Variants in PLCD4 observed in about 807,000 individuals in gnomAD.
PLCD4 encodes the protein phospholipase C delta 4.
PLCD4 carries 63 observed loss-of-function variants against 90.2 expected under a neutral mutation model. The observed-to-expected ratio is 0.70, with a 90% CI of 0.57 to 0.86. The LOEUF is 0.86. Ranked by LOEUF, PLCD4 falls within the 40% of genes least tolerant of loss-of-function variation. PLCD4 has a pLI of 0.00. For missense variants in PLCD4, 830 were observed against 956.3 expected (o/e 0.87, Z 1.74); for synonymous variants, 294 against 356.5 (o/e 0.82, Z 1.97).
rs375491681 is a variant in PLCD4 at position 218,635,805 on chromosome 2, G to A, written c.1906G>A (p.Gly636Ser). The A allele has an allele frequency of 1.2e-4, 187 of 1,612,354 alleles. No individual in the cohort carries two copies. The highest frequency in any genetic ancestry group is 1.5e-4 in the African/African-American group (11 of 74,968). ...AQTLLIQVISGQQLPKVDKTK... is the reference protein window; with the variant it reads ...AQTLLIQVISSQQLPKVDKTK... ...AGAGCCCTGACTACAGGTGATCAGC[G>A]GTCAGCAACTCCCCAAAGTGGACAA... is the stretch of plus-strand genomic sequence containing the variant. The change falls in exon 14 of 16, where the codon GGT (glycine) becomes AGT (serine). Residue 636 changes from glycine (G) to serine (S), a missense_variant. By Grantham distance (56) the Gly-to-Ser change is moderately conservative (BLOSUM62 0). Transcript: ENST00000450993.
intron 10 of PLCD4, among the ~76,000 whole-genome samples, chr2:218,632,558 C>T (rs1418347000): frequency 6.6e-6 from 1 of 152,036 alleles, no homozygotes; most frequent in African/African-American, 2.4e-5. Flanking sequence ...AAATCTTACG[C>T]AAAATAGATA....
chr2:218,614,702 C>T (rs374979016), intron 1 of PLCD4, among the ~76,000 whole-genome samples: 1 of 150,500 alleles, frequency 6.6e-6, no homozygotes, highest in Admixed American at 6.6e-5. Flanking sequence ...CCGCCAGCCT[C>T]GGCCTCCCAA....
In PLCD4 at chr2:218,618,812, C is replaced by T. The variant is rs750331649; in HGVS notation, c.410+5C>T. 18 of 1,575,490 alleles carry T rather than the reference C, an allele frequency of 1.1e-5. No individual in the cohort carries two copies. The East Asian group carries it at 2.3e-4, about 20-fold the overall frequency. On this transcript the variant is annotated splice_donor_5th_base_variant and intron_variant, in intron 4 of 15. Coordinates refer to ENST00000450993, the MANE Select transcript of PLCD4 (RefSeq NM_032726.4). The stretch of plus-strand genomic sequence containing the variant: ...CCATCAGGAGCGCCTGGACCAGTAT[C>T]GGCAGGATGGAGTCAGGGTGGGGGT...
Position 218,632,139 on chromosome 2 carries a change from C to A in PLCD4, c.1276C>A (p.Leu426Ile). Residue 426 changes from leucine (L) to isoleucine (I), a missense_variant, in exon 10 of 16, where the codon CTT (leucine) becomes ATT (isoleucine). Transcript: ENST00000450993. ...LPTQLPSPEE[L>I]RRKILVKGKK... is the part of the protein sequence containing the mutation. ...CCCCTTCATTTTTGTCCCCTAGGAG[C>A]TTCGGAGGAAGATCCTGGTGAAGGG... 1 of 1,604,738 alleles carries A rather than the reference C, an allele frequency of 6.2e-7. No individual in the cohort carries two copies. The highest frequency in any genetic ancestry group is 2.2e-5 in the East Asian group (1 of 44,736).
At chr2:218,628,480 T>G in intron 7 of PLCD4, 1 of 437,762 alleles carries the variant, frequency 2.3e-6, no homozygotes, top group Non-Finnish European at 4.1e-6. Flanking sequence ...CCTGACAGAT[T>G]TATATTTAAC....
rs1305735483 is a variant in PLCD4, at chr2:218,634,600, C to G, written c.1866C>G (p.Ser622Arg). The G allele has an allele frequency of 5.6e-6, 9 of 1,613,886 alleles. No individual in the cohort carries two copies. The highest frequency in any genetic ancestry group is 7.6e-6 in the Non-Finnish European group (9 of 1,179,896). ...CTTTCCACCCTGAGAAGCCCATCAGCCCTTTCAAAGCCCAGACTCTCTTAA... is the reference window on the plus strand; with the variant it reads ...CTTTCCACCCTGAGAAGCCCATCAGGCCTTTCAAAGCCCAGACTCTCTTAA... ...QSSFHPEKPI[S>R]PFKAQTLLIQ... is the part of the protein sequence containing the mutation. Residue 622 changes from serine (S) to arginine (R), a missense_variant, in exon 13 of 16, where the codon AGC becomes AGG. Physicochemically the swap from Ser to Arg is moderately radical, Grantham distance 110 (BLOSUM62 -1). Coordinates refer to ENST00000450993, the MANE Select transcript of PLCD4 (RefSeq NM_032726.4). This position sits in a 1 kb window ranked among gnomAD's most constrained non-coding sequence, Gnocchi z 4.0.
At chr2:218,614,489 G>A (rs772458187) in intron 1 of PLCD4, among the ~76,000 whole-genome samples, 9 of 151,232 alleles carry the variant, frequency 6.0e-5, no homozygotes, top group South Asian at 2.1e-4. Context: ...TCGCTGTGTC[G>A]CCCAGGCTGG....
chr2:218,637,104 G>A lies in PLCD4; in HGVS notation c.*527G>A. On this transcript the variant is annotated 3_prime_UTR_variant, in exon 16 of 16. Transcript: ENST00000450993. ...GTACTACGACTCTTAAGAGAACACT[G>A]CACAGCACTCAAAGTCCCCCACTGG... 2.9e-6 allele frequency: 1 copy of A among 344,204 alleles called. No individual in the cohort carries two copies. Among genetic ancestry groups the A allele is most frequent in the South Asian group, 2.3e-5 (1 of 42,738 alleles). The allele number at this position is 344,204 out of a possible 1,614,324, so 21.3% of individuals were successfully genotyped here.
chr2:218,630,789 T>C lies in PLCD4; in HGVS notation c.1259T>C (p.Leu420Pro), dbSNP rs369547331. 1.9e-5 allele frequency: 31 copies of C among 1,612,912 alleles called. No homozygotes were observed. The highest frequency in any genetic ancestry group is 3.3e-5 in the Admixed American group (2 of 59,916). The change falls in exon 9 of 16, where the codon CTG (leucine) becomes CCG (proline). Residue 420 changes from leucine to proline, a missense_variant. Coordinates refer to ENST00000450993, the MANE Select transcript of PLCD4 (RefSeq NM_032726.4). ...TTGGATGGGGTGCTGCCCACTCAGC[T>C]GCCCTCGCCTGAGGTAGGGACACTG... Reference protein sequence around the residue: ...TTLDGVLPTQLPSPEELRRKI... With the variant: ...TTLDGVLPTQPPSPEELRRKI...
chr2:218,621,748 A>G (rs983096204), intron 5 of PLCD4, 149 bp downstream of exon 5: 2 of 1,069,106 alleles, frequency 1.9e-6, no homozygotes, highest in Non-Finnish European at 2.7e-6. Context: ...CTCAATGGGA[A>G]GTATAGGGGA....
intron 4 of PLCD4, among the ~76,000 whole-genome samples, chr2:218,621,220 T>C (rs1695863605): frequency 6.6e-6 from 1 of 152,174 alleles, no homozygotes; most frequent in Non-Finnish European, 1.5e-5. Flanking sequence ...GCACGAGCCA[T>C]CGCGTCTGGC....
At position 218,629,539 on chromosome 2, in the gene PLCD4, G is replaced by A. The variant is rs561847468; in HGVS notation, c.995G>A (p.Arg332His). The A allele has an allele frequency of 3.0e-5, 48 of 1,613,672 alleles. No homozygotes were observed. In the South Asian group the frequency reaches 3.2e-4, roughly 11 times the overall value. The change falls in exon 8 of 16, where the codon CGC becomes CAC. Residue 332 changes from arginine to histidine, a missense_variant. Coordinates refer to ENST00000450993, the MANE Select transcript of PLCD4 (RefSeq NM_032726.4). The stretch of plus-strand genomic sequence containing the variant: ...TTCAGGGCCCTGAAGCGGGGGTGCC[G>A]CTGCGTGGAGGTGGATGTATGGGAT... Reference protein sequence around the residue: ...GYIRALKRGCRCVEVDVWDGP... With the variant: ...GYIRALKRGCHCVEVDVWDGP...
At chr2:218,631,174 T>C (rs759419884) in intron 9 of PLCD4, among the ~76,000 whole-genome samples, 43 of 151,760 alleles carry the variant, frequency 2.8e-4, no homozygotes, top group Non-Finnish European at 1.5e-4. Flanking sequence ...GATTTTTTTG[T>C]TTTTTTTGAG....
Position 218,616,089 on chromosome 2 carries a change from G to A in PLCD4, c.181+27G>A, listed in dbSNP as rs750650895. On this transcript the variant is annotated intron_variant, in intron 3 of 15. Transcript: ENST00000450993. ...TGAGTGACCTGGATAGTGGGGGGTG[G>A]ATACATGGGTGGATAGAGGCCTGAG... 31 of 1,608,146 alleles carry A rather than the reference G, an allele frequency of 1.9e-5. No homozygotes were observed. The South Asian group carries it at 3.4e-4, about 18-fold the overall frequency.
At chr2:218,625,709 G>A (rs946243340) in intron 6 of PLCD4, among the ~76,000 whole-genome samples, 19 of 152,176 alleles carry the variant, frequency 1.2e-4, no homozygotes, top group Admixed American at 3.9e-4. Flanking sequence ...CAAGGCAGGC[G>A]GATCACTTAA....
rs754629149 is a variant in PLCD4, at chr2:218,630,738, T to C, written c.1208T>C (p.Leu403Pro). Residue 403 changes from leucine to proline, a missense_variant, in exon 9 of 16, where the codon CTG (leucine) becomes CCG (proline). Leu to Pro is a moderately conservative substitution (Grantham distance 98, BLOSUM62 -3). Transcript: ENST00000450993. ...ATGGCCCGTCATCTGACTGAGATCC[T>C]GGGGGAGCAGCTGCTGAGCACCACC... The part of the protein sequence containing the change: ...QTMARHLTEI[L>P]GEQLLSTTLD... 3 of 1,614,012 alleles carry C rather than the reference T, an allele frequency of 1.9e-6. No individual in the cohort carries two copies. In the South Asian group the frequency reaches 3.3e-5, roughly 18 times the overall value.
chr2:218,629,626 A>G lies in PLCD4; in HGVS notation c.1082A>G (p.Lys361Arg), dbSNP rs757038243. The G allele has an allele frequency of 6.2e-7, 1 of 1,613,626 alleles. No individual in the cohort carries two copies. The highest frequency in any genetic ancestry group is 8.5e-7 in the Non-Finnish European group (1 of 1,179,800). ...ACCCTGACCTCCCGCATCCTGTTCA[A>G]AGATGTCGTGGCCACAGTAGCACAG... is the stretch of plus-strand genomic sequence containing the variant. ...GHTLTSRILF[K>R]DVVATVAQYA... The change falls in exon 8 of 16, where the codon AAA becomes AGA. Residue 361 changes from lysine to arginine, a missense_variant. Coordinates refer to ENST00000450993, the MANE Select transcript of PLCD4 (RefSeq NM_032726.4).
At chr2:218,612,496 G>A (rs970729623) in intron 1 of PLCD4, among the ~76,000 whole-genome samples, 4 of 152,122 alleles carry the variant, frequency 2.6e-5, no homozygotes, top group Non-Finnish European at 5.9e-5. Context: ...TTCTCTAGGC[G>A]GGGCAGAGTG....
In PLCD4 at chr2:218,629,542, G is replaced by A. The variant is rs774818151; in HGVS notation, c.998G>A (p.Cys333Tyr). ...YIRALKRGCR[C>Y]VEVDVWDGPS... ...AGGGCCCTGAAGCGGGGGTGCCGCT[G>A]CGTGGAGGTGGATGTATGGGATGGA... The change falls in exon 8 of 16, where the codon TGC (cysteine) becomes TAC (tyrosine). Residue 333 changes from cysteine to tyrosine, a missense_variant. Physicochemically the swap from Cys to Tyr is radical, Grantham distance 194. Transcript: ENST00000450993. 3.1e-6 allele frequency: 5 copies of A among 1,613,696 alleles called. No homozygotes were observed. Among genetic ancestry groups the A allele is most frequent in the Admixed American group, 1.7e-5 (1 of 59,988 alleles).
Sources: gnomAD v4.1 joint callset for allele counts (sites outside exome capture counted in the v4.1 genomes callset) on GRCh38, gnomAD v4.1.1 for gene constraint, Gnocchi (gnomAD v3.1) non-coding constraint, MANE v1.5 for transcripts, NCBI Gene and HGNC (gene_info 2026-07-23, HGNC 2026-07-21) for gene names.